The following MGST2 variants were observed in gnomAD, a reference collection of about 807,000 sequenced individuals.
MGST2 encodes glutathione peroxidase MGST2.
MGST2 carries 9 observed loss-of-function variants against 16.6 expected under a neutral mutation model. That is an observed-to-expected ratio of 0.54 (90% CI 0.33 to 0.95). The LOEUF is 0.95. Among genes scored for constraint, MGST2 ranks in the 40% least tolerant of loss-of-function variants. The probability of loss-of-function intolerance (pLI) is 0.03; values close to 1 mark genes in which losing one functional copy is unlikely to be tolerated. For missense variants in MGST2, 159 were observed against 175.1 expected (o/e 0.91, Z 0.52); for synonymous variants, 79 against 68.0 (o/e 1.16, Z -0.79).
intron 2 of MGST2, among the ~76,000 whole-genome samples, chr4:139,690,168 T>G (rs1249450680): frequency 6.6e-6 from 1 of 152,142 alleles, no homozygotes; most frequent in African/African-American, 2.4e-5. Context: ...ATTTTTGTAT[T>G]TGTAATAGAG....
intron 3 of MGST2, among the ~76,000 whole-genome samples, chr4:139,696,794 CT>C (rs1726947596): frequency 6.6e-6 from 1 of 152,158 alleles, no homozygotes; most frequent in African/African-American, 2.4e-5. Context: ...TGGTGTAATC[CT>C]TCTAGGCATT....
At chr4:139,700,237 T>G (rs1727172643) in intron 3 of MGST2, among the ~76,000 whole-genome samples, 1 of 145,248 alleles carries the variant, frequency 6.9e-6, no homozygotes, top group African/African-American at 2.5e-5. Flanking sequence ...GTTCACGCCA[T>G]TCTCCTGCCT....
intron 2 of MGST2, among the ~76,000 whole-genome samples, chr4:139,683,445 G>A (rs1462113971): frequency 6.6e-6 from 1 of 152,126 alleles, no homozygotes; most frequent in Non-Finnish European, 1.5e-5. Flanking sequence ...GTTCTGTCTT[G>A]ACATGTTGTG....
At chr4:139,708,125 C>T (rs1727591318), downstream of MGST2, among the ~76,000 whole-genome samples, 1 of 152,130 alleles carries the variant, frequency 6.6e-6, no homozygotes, top group Admixed American at 6.5e-5. Context: ...ACATGAAGTC[C>T]TTGTCCTTGC....
downstream of MGST2, among the ~76,000 whole-genome samples, chr4:139,708,117 A>G (rs1400229239): frequency 6.6e-6 from 1 of 152,242 alleles, no homozygotes; most frequent in African/African-American, 2.4e-5. Flanking sequence ...TGTTTTAGAC[A>G]TGAAGTCCTT....
rs70943436 is a variant in MGST2 at position 139,702,844 on chromosome 4, G to GTTTTTTTTTTTTTTTTTTTTTTTTTTTT, written c.230-585_230-584insTTTTTTTTTTTTTTTTTTTTTTTTTTTT. Among the ~76,000 whole-genome samples the GTTTTTTTTTTTTTTTTTTTTTTTTTTTT allele has an allele frequency of 1.7e-3, 80 of 46,438 alleles. 12 individuals carry two copies. Among genetic ancestry groups the GTTTTTTTTTTTTTTTTTTTTTTTTTTTT allele is most frequent in the Non-Finnish European group, 2.9e-3 (64 of 22,452 alleles). 30.5% of individuals were successfully genotyped at this position (46,438 alleles called of 152,430 possible). On this transcript the variant is annotated intron_variant, in intron 3 of 4. Coordinates refer to ENST00000265498, the MANE Select transcript of MGST2 (RefSeq NM_002413.5). Reference sequence around the variant, plus strand: ...TCCTCACCAACATTTTGTGTTACTGGTTTTTTTTTTTTTTTTTTTTTTTTT... The same window carrying GTTTTTTTTTTTTTTTTTTTTTTTTTTTT: ...TCCTCACCAACATTTTGTGTTACTGGTTTTTTTTTTTTTTTTTTTTTTTTTTTTTTTTTTTTTTTTTTTTTTTTTTTTT...
intron 2 of MGST2, among the ~76,000 whole-genome samples, chr4:139,691,697 GATT>G (rs3841989): frequency 0.1 from 14,292 of 137,374 alleles, 698 homozygotes; most frequent in African/African-American, 0.12. Context: ...TGATGATGAT[GATT>G]ATTATTATTA....
chr4:139,665,972 A>G lies in MGST2; in HGVS notation c.-48A>G, dbSNP rs1400951006. 3 of 1,598,314 alleles carry G rather than the reference A, an allele frequency of 1.9e-6. No individual in the cohort carries two copies. Among genetic ancestry groups the G allele is most frequent in the Non-Finnish European group, 2.6e-6 (3 of 1,165,946 alleles). Reference sequence around the variant, plus strand: ...GGAAGGTCAGCATTCAAAGTCAAGAAGCGCCATTTATCTTCCCGTGCGCTC... The same window carrying G: ...GGAAGGTCAGCATTCAAAGTCAAGAGGCGCCATTTATCTTCCCGTGCGCTC... On this transcript the variant is annotated 5_prime_UTR_variant, in exon 1 of 5. Coordinates refer to ENST00000265498, the MANE Select transcript of MGST2 (RefSeq NM_002413.5).
intron 5 of MGST2, among the ~76,000 whole-genome samples, chr4:139,739,737 A>G (rs1729093833): frequency 6.7e-6 from 1 of 150,202 alleles, no homozygotes; most frequent in Admixed American, 6.6e-5. Context: ...AAAAAAAGAA[A>G]AAAGCAGTTT....
chr4:139,668,474 C>T (rs1225574880), intron 1 of MGST2, among the ~76,000 whole-genome samples: 1 of 152,154 alleles, frequency 6.6e-6, no homozygotes, highest in Non-Finnish European at 1.5e-5. Context: ...CAATTTCTTT[C>T]AAGGCCTGCT....
intron 5 of MGST2, among the ~76,000 whole-genome samples, chr4:139,726,154 T>C (rs11947600): frequency 0.049 from 7,427 of 152,276 alleles, 501 homozygotes; most frequent in African/African-American, 0.16. Context: ...AGAGCAGTTA[T>C]GTCTGCTTTT....
chr4:139,681,767 G>A (rs1307969431), intron 2 of MGST2, among the ~76,000 whole-genome samples: 1 of 152,038 alleles, frequency 6.6e-6, no homozygotes, highest in Non-Finnish European at 1.5e-5. Context: ...TATTTATTGA[G>A]CACTTCTGTG....
chr4:139,698,262 T>C, intron 3 of MGST2: 1 of 1,171,074 alleles, frequency 8.5e-7, no homozygotes, highest in South Asian at 1.3e-5. Flanking sequence ...CAGATAGGCC[T>C]CACTTGCCTC....
At chr4:139,693,223 A>T (rs1331676469) in intron 2 of MGST2, among the ~76,000 whole-genome samples, 1 of 150,906 alleles carries the variant, frequency 6.6e-6, no homozygotes, top group Non-Finnish European at 1.5e-5. Flanking sequence ...CGAGACCACG[A>T]TGAAACCCCG....
At chr4:139,719,587 C>T in intron 5 of MGST2, 1 of 1,613,324 alleles carries the variant, frequency 6.2e-7, no homozygotes, top group Non-Finnish European at 8.5e-7. Flanking sequence ...CTCCCTGGCT[C>T]AGGCCAGACA....
At chr4:139,672,563 C>G (rs1168489379) in intron 1 of MGST2, among the ~76,000 whole-genome samples, 1 of 151,610 alleles carries the variant, frequency 6.6e-6, no homozygotes, top group Non-Finnish European at 1.5e-5. Context: ...ACTCCAATCC[C>G]AAGCATTTAC....
intron 2 of MGST2, among the ~76,000 whole-genome samples, chr4:139,690,310 A>T (rs771605201): frequency 6.6e-6 from 1 of 151,712 alleles, no homozygotes; most frequent in African/African-American, 2.4e-5. Flanking sequence ...TTTTAAAAAA[A>T]TTTTATTTTT....
rs368553912 is a variant in MGST2, at chr4:139,695,270, A to G, written c.229+3A>G. On this transcript the variant is annotated splice_donor_region_variant and intron_variant, in intron 3 of 4. Transcript: ENST00000265498. ...GGCTGGGTGGTATTTCAACCAAGGT[A>G]ATGTTAAAATACAGTCAACTGTGTT... 1 of 1,600,894 alleles carries G rather than the reference A, an allele frequency of 6.2e-7. No homozygotes were observed. Among genetic ancestry groups the G allele is most frequent in the African/African-American group, 1.3e-5 (1 of 74,636 alleles).
At chr4:139,714,200 C>T (rs1441567195) in intron 5 of MGST2, among the ~76,000 whole-genome samples, 4 of 152,186 alleles carry the variant, frequency 2.6e-5, no homozygotes, top group Admixed American at 2.6e-4. Context: ...ATTCTAAGCC[C>T]ATGTTTTATC....
Sources: allele counts gnomAD v4.1 joint callset (sites outside exome capture counted in the v4.1 genomes callset), GRCh38; gene constraint gnomAD v4.1.1; transcripts MANE v1.5; gene names NCBI Gene and HGNC (gene_info 2026-07-23, HGNC 2026-07-21).